HIP1: variants seen among roughly 807,000 people sequenced by gnomAD.
The protein encoded by HIP1 is huntingtin-interacting protein 1.
In HIP1, 65 loss-of-function variants were observed where a neutral mutation model predicts 147.6. That is an observed-to-expected ratio of 0.44 (90% confidence interval 0.36 to 0.54). The LOEUF (loss-of-function observed/expected upper bound fraction) is 0.54, where lower values mean the gene tolerates loss of function less well. HIP1 is among the 20% of genes least tolerant of loss of function. The probability of loss-of-function intolerance (pLI) is 0.00; values close to 1 mark genes in which losing one functional copy is unlikely to be tolerated. For synonymous variants in HIP1, 479 were observed against 504.0 expected (o/e 0.95, Z 0.67); for missense variants, 1,061 against 1,299.6 (o/e 0.82, Z 2.82).
intron 1 of HIP1, among the ~76,000 whole-genome samples, chr7:75,618,040 T>C (rs1403914217): frequency 6.6e-6 from 1 of 152,242 alleles, no homozygotes; most frequent in Non-Finnish European, 1.5e-5. Context: ...ATAGGCAGCT[T>C]GTCAGCAAGA....
intron 2 of HIP1, among the ~76,000 whole-genome samples, chr7:75,598,461 A>G (rs1202417327): frequency 6.7e-6 from 1 of 150,328 alleles, no homozygotes; most frequent in Non-Finnish European, 1.5e-5. Flanking sequence ...AGAAAAGGAG[A>G]TAACTATTGA....
At position 75,555,428 on chromosome 7, in the gene HIP1, C is replaced by T. The variant is rs782619030; in HGVS notation, c.1951G>A (p.Ala651Thr). 9.3e-6 allele frequency: 15 copies of T among 1,613,704 alleles called. No individual in the cohort carries two copies. The highest frequency in any genetic ancestry group is 4.4e-5 in the South Asian group (4 of 91,066). The change falls in exon 19 of 31, where the codon GCT becomes ACT. Residue 651 changes from alanine (A) to threonine (T), a missense_variant. Physicochemically the swap from Ala to Thr is moderately conservative, Grantham distance 58. This residue lies in a region of HIP1 where 810 missense variants were observed against 946.8 expected (regional missense o/e 0.86). Coordinates refer to ENST00000336926, the MANE Select transcript of HIP1 (RefSeq NM_005338.7). ...QLEEPPLISC[A>T]GSADHLLSTV... ...ATTGCAAGTGTACCTGCAGACCCAG[C>T]GCAGCTGATGAGAGGAGGTTCTTCA...
At chr7:75,677,539 A>G (rs1210134584) in intron 1 of HIP1, among the ~76,000 whole-genome samples, 2 of 140,324 alleles carry the variant, frequency 1.4e-5, no homozygotes, top group Non-Finnish European at 3.0e-5. Flanking sequence ...CTGGAGGTGG[A>G]GTTTGCAGTG....
intron 24 of HIP1, among the ~76,000 whole-genome samples, chr7:75,547,280 T>G (rs782654741): frequency 6.6e-6 from 1 of 152,096 alleles, no homozygotes; most frequent in Non-Finnish European, 1.5e-5. Flanking sequence ...TCTTTTCTTC[T>G]TTTTTGAGAC....
At chr7:75,600,053 T>C (rs1278418830) in intron 1 of HIP1, among the ~76,000 whole-genome samples, 3 of 151,968 alleles carry the variant, frequency 2.0e-5, no homozygotes, top group African/African-American at 4.8e-5. Flanking sequence ...TTGGCCAGGC[T>C]GGTCTCGAGA....
intron 4 of HIP1, among the ~76,000 whole-genome samples, chr7:75,589,673 ACT>A (rs1796415259): frequency 1.8e-5 from 2 of 110,542 alleles, no homozygotes; most frequent in East Asian, 3.1e-4. Context: ...ACAGAGCAAG[ACT>A]CTGTCTCCAA....
At chr7:75,656,455 T>C (rs965770912) in intron 1 of HIP1, among the ~76,000 whole-genome samples, 20 of 148,288 alleles carry the variant, frequency 1.3e-4, no homozygotes, top group South Asian at 2.1e-4. Context: ...AAAGAAAATA[T>C]GTTTCCAACT....
intron 1 of HIP1, among the ~76,000 whole-genome samples, chr7:75,713,436 A>C (rs1042597808): frequency 2.0e-5 from 3 of 152,132 alleles, no homozygotes; most frequent in African/African-American, 7.2e-5. Flanking sequence ...CAGACAGCAA[A>C]ATTTCTGCAA....
chr7:75,733,169 GT>G (rs2117411674), intron 1 of HIP1, among the ~76,000 whole-genome samples: 1 of 152,316 alleles, frequency 6.6e-6, no homozygotes, highest in South Asian at 2.1e-4. Context: ...GGAGGACAGT[GT>G]GGTCGAACGG....
rs1337517947 is a variant in HIP1, at chr7:75,537,553, A to G, written c.*619T>C. On this transcript the variant is annotated 3_prime_UTR_variant, in exon 31 of 31. Transcript: ENST00000336926. ...ACAAAACCAAAAAACCCAACCAACC[A>G]CCATAAGAAGCAGTGGAAATCCATG... The G allele has an allele frequency of 4.3e-6, 1 of 232,128 alleles. No individual in the cohort carries two copies. The highest frequency in any genetic ancestry group is 8.5e-6 in the Non-Finnish European group (1 of 117,664). 14.4% of individuals were successfully genotyped at this position (232,128 alleles called of 1,614,324 possible). A position where few individuals can be genotyped will look rare whatever the true frequency, so the allele number is the denominator to read the frequency against.
At chr7:75,731,541 C>T (rs1348288951) in intron 1 of HIP1, among the ~76,000 whole-genome samples, 16 of 150,384 alleles carry the variant, frequency 1.1e-4, no homozygotes, top group Non-Finnish European at 1.8e-4. Flanking sequence ...ATGGGGTTCA[C>T]GAGCAGCTCT....
rs372119007 is a variant in HIP1 at position 75,638,005 on chromosome 7, TACACAC to T, written c.121-38764_121-38759del. On this transcript the variant is annotated intron_variant, in intron 1 of 30. Transcript: ENST00000336926. ...CCCCCCCCCCCCCCACACACACACA[TACACAC>T]ACACACACACACACACACACACAGC... Among the ~76,000 whole-genome samples the T allele has an allele frequency of 1.7e-3, 74 of 44,004 alleles. 1 individual carries two copies. Among genetic ancestry groups the T allele is most frequent in the Non-Finnish European group, 2.2e-3 (57 of 25,422 alleles). 28.9% of individuals were successfully genotyped at this position (44,004 alleles called of 152,430 possible).
chr7:75,554,301 G>T, intron 20 of HIP1, 81 bp from the exon 21 acceptor site: 1 of 1,313,190 alleles, frequency 7.6e-7, no homozygotes, highest in Non-Finnish European at 1.1e-6. Context: ...TTTATGAGTT[G>T]CCTACATGCC....
chr7:75,670,699 G>C (rs1019924631), intron 1 of HIP1, among the ~76,000 whole-genome samples: 1 of 149,284 alleles, frequency 6.7e-6, no homozygotes, highest in Non-Finnish European at 1.5e-5. Context: ...CTGCGGCTTT[G>C]ACCTCCTGGG....
chr7:75,650,453 CT>C (rs782108312), intron 1 of HIP1, among the ~76,000 whole-genome samples: 11,191 of 126,450 alleles, frequency 0.089, 660 homozygotes, highest in African/African-American at 0.16. Flanking sequence ...GCCCAGTTAT[CT>C]TTTTTTTTTT....
chr7:75,684,887 C>T (rs1312407092), intron 1 of HIP1, among the ~76,000 whole-genome samples: 2 of 151,908 alleles, frequency 1.3e-5, no homozygotes, highest in South Asian at 2.1e-4. Flanking sequence ...GTCAGGAGAT[C>T]GAGACCATCC....
intron 1 of HIP1, among the ~76,000 whole-genome samples, chr7:75,642,391 T>C (rs1182890): frequency 0.16 from 24,360 of 152,028 alleles, 2,217 homozygotes; most frequent in African/African-American, 0.25. Context: ...CAAAAATATC[T>C]GGGAGTGGTG....
intron 1 of HIP1, among the ~76,000 whole-genome samples, chr7:75,608,190 C>T (rs1554504207): frequency 2.6e-5 from 4 of 152,042 alleles, no homozygotes; most frequent in Non-Finnish European, 4.4e-5. Flanking sequence ...CACCTGTAAT[C>T]CCAGCTGCTC....
chr7:75,708,153 C>T (rs1370413933), intron 1 of HIP1, among the ~76,000 whole-genome samples: 4 of 152,182 alleles, frequency 2.6e-5, no homozygotes, highest in Non-Finnish European at 5.9e-5. Flanking sequence ...TACCATATAT[C>T]TTCTTTAGAG....
Sources: gnomAD v4.1 joint callset for allele counts (sites outside exome capture counted in the v4.1 genomes callset) on GRCh38, gnomAD v4.1.1 for gene constraint, gnomAD v4.1.1 regional missense constraint, MANE v1.5 for transcripts, NCBI Gene and HGNC (gene_info 2026-07-23, HGNC 2026-07-21) for gene names.